Variants in CELA2A observed in about 807,000 individuals in gnomAD.
The protein encoded by CELA2A is chymotrypsin like elastase 2A.
Under a neutral mutation model 35.3 loss-of-function variants are expected in CELA2A, and 31 were observed. The observed-to-expected ratio is 0.88, with a 90% CI of 0.66 to 1.19. The LOEUF (loss-of-function observed/expected upper bound fraction) is 1.19, where lower values mean the gene tolerates loss of function less well. Among genes scored for constraint, CELA2A ranks in the 50% most tolerant of loss-of-function variants. The pLI, the probability that CELA2A is intolerant of heterozygous loss-of-function variation, is 0.00. For missense variants in CELA2A, 330 were observed against 352.9 expected (o/e 0.94, Z 0.52); for synonymous variants, 150 against 149.8 (o/e 1.00, Z -0.01).
At chr1:15,464,240 C>T (rs372659374) in intron 5 of CELA2A, among the ~76,000 whole-genome samples, 16 of 152,106 alleles carry the variant, frequency 1.1e-4, no homozygotes, top group African/African-American at 3.9e-4. Flanking sequence ...TTCAGAACAG[C>T]ATTTTCCTCT....
intron 7 of CELA2A, among the ~76,000 whole-genome samples, chr1:15,470,455 C>A (rs537228755): frequency 5.9e-5 from 9 of 152,306 alleles, no homozygotes; most frequent in Non-Finnish European, 1.3e-4. Context: ...AGTTTTTATT[C>A]TTTTTCCGGA....
intron 3 of CELA2A, chr1:15,462,176 G>T (rs1364283095): frequency 4.3e-6 from 2 of 469,852 alleles, no homozygotes; most frequent in South Asian, 3.1e-5. Context: ...CGTGACCTCT[G>T]CTCATCACAG....
At chr1:15,464,888 A>G (rs1417898724) in intron 5 of CELA2A, among the ~76,000 whole-genome samples, 1 of 152,134 alleles carries the variant, frequency 6.6e-6, no homozygotes, top group Non-Finnish European at 1.5e-5. Context: ...AAATGGAAAC[A>G]CTGTTGGTGA....
intron 2 of CELA2A, among the ~76,000 whole-genome samples, chr1:15,460,326 C>T (rs1321898171): frequency 6.6e-6 from 1 of 151,726 alleles, no homozygotes; most frequent in Non-Finnish European, 1.5e-5. Flanking sequence ...GGGGTACATC[C>T]TTTTAAGTAT....
rs191777690 is a variant in CELA2A at position 15,463,010 on chromosome 1, G to C, written c.356+149G>C. 1.5e-5 allele frequency: 19 copies of C among 1,230,980 alleles called. No individual in the cohort carries two copies. The East Asian group carries it at 4.4e-4, about 29-fold the overall frequency. 76.3% of individuals were successfully genotyped at this position (1,230,980 alleles called of 1,614,324 possible). Reference sequence around the variant, plus strand: ...CTCTGGCCTCTTAGATGTGGAACCAGCTCCAAAGATGTCTGGGGTGGGGAT... The same window carrying C: ...CTCTGGCCTCTTAGATGTGGAACCACCTCCAAAGATGTCTGGGGTGGGGAT... On this transcript the variant is annotated intron_variant, in intron 4 of 7. Transcript: ENST00000359621.
At chr1:15,463,618 T>C (rs1708471271) in intron 5 of CELA2A, 96 bp downstream of exon 5, 17 of 1,579,532 alleles carry the variant, frequency 1.1e-5, no homozygotes, top group South Asian at 5.8e-5. Context: ...CATCCCAGGG[T>C]GTGTGGCTGC....
chr1:15,466,417 C>T (rs1708518797), intron 6 of CELA2A, among the ~76,000 whole-genome samples: 1 of 152,014 alleles, frequency 6.6e-6, no homozygotes, highest in Non-Finnish European at 1.5e-5. Context: ...AAAAAATTAG[C>T]CGGGCATGGT....
chr1:15,461,782 A>G, intron 3 of CELA2A, 124 bp downstream of exon 3: 1 of 1,068,462 alleles, frequency 9.4e-7, no homozygotes, highest in Non-Finnish European at 1.4e-6. Context: ...ATACTGGCTG[A>G]GACACAAGCT....
Position 15,463,416 on chromosome 1 carries a change from C to A in CELA2A, c.387C>A (p.Asn129Lys), listed in dbSNP as rs775078330. ...ACATTGCCCTGCTCAAACTGGCTAA[C>A]CCCGTCTCCCTCACCGACAAGATCC... ...GNDIALLKLA[N>K]PVSLTDKIQL... Residue 129 changes from asparagine to lysine, a missense_variant, in exon 5 of 8, where the codon AAC (asparagine) becomes AAA (lysine). By Grantham distance (94) the Asn-to-Lys change is moderately conservative. Coordinates refer to ENST00000359621, the MANE Select transcript of CELA2A (RefSeq NM_033440.3). The A allele has an allele frequency of 6.2e-7, 1 of 1,613,898 alleles. No individual in the cohort carries two copies. Among genetic ancestry groups the A allele is most frequent in the Admixed American group, 1.7e-5 (1 of 60,022 alleles).
intron 7 of CELA2A, among the ~76,000 whole-genome samples, chr1:15,471,724 A>AG (rs541474518): frequency 0.014 from 2,183 of 152,296 alleles, 18 homozygotes; most frequent in Non-Finnish European, 0.02. Context: ...TATAATTTTT[A>AG]GGGGTTCGAA....
At chr1:15,463,007 C>A in intron 4 of CELA2A, 146 bp downstream of exon 4, 1 of 1,255,662 alleles carries the variant, frequency 8.0e-7, no homozygotes, top group Non-Finnish European at 1.1e-6. Context: ...AGATGTGGAA[C>A]CAGCTCCAAA....
chr1:15,464,610 A>G (rs1708489800), intron 5 of CELA2A, among the ~76,000 whole-genome samples: 1 of 152,210 alleles, frequency 6.6e-6, no homozygotes. Flanking sequence ...CCCTCAAATA[A>G]TTCCCATTGC....
chr1:15,464,946 T>C (rs550793092), intron 5 of CELA2A, among the ~76,000 whole-genome samples: 8 of 152,024 alleles, frequency 5.3e-5, no homozygotes, highest in African/African-American at 1.9e-4. Context: ...TTGCAAAATG[T>C]TATGCAAGTG....
intron 6 of CELA2A, 38 bp downstream of exon 6, chr1:15,466,182 A>G (rs2103304574): frequency 6.2e-7 from 1 of 1,608,440 alleles, no homozygotes. Flanking sequence ...CCATGACAAA[A>G]TGTGGCTGGG....
At chr1:15,470,610 T>C (rs1708576857) in intron 7 of CELA2A, among the ~76,000 whole-genome samples, 1 of 152,170 alleles carries the variant, frequency 6.6e-6, no homozygotes, top group Non-Finnish European at 1.5e-5. Context: ...AGACAGAGTC[T>C]CGCTCTGTCA....
At chr1:15,460,892 G>A (rs762117052) in intron 2 of CELA2A, among the ~76,000 whole-genome samples, 3 of 152,024 alleles carry the variant, frequency 2.0e-5, no homozygotes, top group Non-Finnish European at 2.9e-5. Context: ...TGCCTCACAC[G>A]GCTAATAAAG....
At position 15,463,606 on chromosome 1, in the gene CELA2A, G is replaced by C; in HGVS notation, c.493+84G>C. ...CCTGTCTGGCCGGGGCCTCTCACCTGTCATCCCAGGGTGTGTGGCTGCCTT... is the reference window on the plus strand; with the variant it reads ...CCTGTCTGGCCGGGGCCTCTCACCTCTCATCCCAGGGTGTGTGGCTGCCTT... On this transcript the variant is annotated intron_variant, in intron 5 of 7. Transcript: ENST00000359621. 4 of 1,594,512 alleles carry C rather than the reference G, an allele frequency of 2.5e-6. No homozygotes were observed. In the Middle Eastern group the frequency reaches 5.0e-4, roughly 201 times the overall value.
rs1286133877 is a variant in CELA2A at position 15,462,132 on chromosome 1, T to C, written c.227+474T>C. 8 of 472,122 alleles carry C rather than the reference T, an allele frequency of 1.7e-5. No homozygotes were observed. The Admixed American group carries it at 1.9e-4, about 11-fold the overall frequency. The allele number at this position is 472,122 out of a possible 1,614,324, so 29.2% of individuals were successfully genotyped here. On this transcript the variant is annotated intron_variant, in intron 3 of 7. Transcript: ENST00000359621. ...GATGAATTATAAAGGCCCACAAGGTTCTGCAACGTTGTTCACTTATCCTCT... is the reference window on the plus strand; with the variant it reads ...GATGAATTATAAAGGCCCACAAGGTCCTGCAACGTTGTTCACTTATCCTCT...
chr1:15,466,275 A>C, intron 6 of CELA2A, 131 bp downstream of exon 6: 1 of 1,180,086 alleles, frequency 8.5e-7, no homozygotes, highest in Non-Finnish European at 1.2e-6. Context: ...TTCCAGATAT[A>C]TCTTTGGCCA....
Sources: gnomAD v4.1 joint callset for allele counts (sites outside exome capture counted in the v4.1 genomes callset) on GRCh38, gnomAD v4.1.1 for gene constraint, MANE v1.5 for transcripts, NCBI Gene and HGNC (gene_info 2026-07-23, HGNC 2026-07-21) for gene names.